The following GALC variants were observed in gnomAD, a reference collection of about 807,000 sequenced individuals.
GALC encodes the protein galactocerebrosidase.
GALC carries 77 observed loss-of-function variants against 91.8 expected under a neutral mutation model. That is an observed-to-expected ratio of 0.84 (90% CI 0.70 to 1.01). GALC has a LOEUF of 1.01. Ranked by LOEUF, GALC falls within the 50% of genes least tolerant of loss-of-function variation. The probability of loss-of-function intolerance (pLI) is 0.00; values close to 1 mark genes in which losing one functional copy is unlikely to be tolerated. For missense variants in GALC, 882 were observed against 855.9 expected (o/e 1.03, Z -0.38); for synonymous variants, 357 against 306.7 (o/e 1.16, Z -1.71).
chr14:87,941,979 T>G (rs1429232502), intron 14 of GALC, among the ~76,000 whole-genome samples: 1 of 150,134 alleles, frequency 6.7e-6, no homozygotes, highest in Admixed American at 6.6e-5. Flanking sequence ...ATGAAGGCAA[T>G]GCTAGGAGCC....
At chr14:87,992,776 G>C in intron 1 of GALC, 194 bp downstream of exon 1, 1 of 1,413,644 alleles carries the variant, frequency 7.1e-7, no homozygotes, top group Non-Finnish European at 9.2e-7. Context: ...TGTCTGGTTC[G>C]TGTTAAACGA....
intron 6 of GALC, among the ~76,000 whole-genome samples, chr14:87,979,907 T>C (rs748434441): frequency 2.6e-5 from 4 of 152,018 alleles, no homozygotes; most frequent in Non-Finnish European, 4.4e-5. Context: ...CCACTTACAA[T>C]CCCTGTGCTC....
chr14:87,992,346 AC>A (rs1386784834), intron 1 of GALC: 39 of 1,535,578 alleles, frequency 2.5e-5, no homozygotes, highest in African/African-American at 4.1e-5. Flanking sequence ...CAGAGGGAGT[AC>A]CCGGTAGTTT....
chr14:87,981,729 A>C (rs1043148362), intron 6 of GALC, among the ~76,000 whole-genome samples: 1 of 152,184 alleles, frequency 6.6e-6, no homozygotes, highest in Non-Finnish European at 1.5e-5. Flanking sequence ...AAGTGGAACA[A>C]AAATAACACA....
Position 87,993,007 on chromosome 14 carries a change from C to G in GALC, c.158G>C (p.Arg53Pro). 6.5e-7 allele frequency: 1 copy of G among 1,539,262 alleles called. No individual in the cohort carries two copies. The highest frequency in any genetic ancestry group is 1.4e-5 in the African/African-American group (1 of 70,448). The change falls in exon 1 of 17, where the codon CGG becomes CCG. Residue 53 changes from arginine to proline, a missense_variant. By Grantham distance (103) the Arg-to-Pro change is moderately radical. Coordinates refer to ENST00000261304, the MANE Select transcript of GALC (RefSeq NM_000153.4). ...GACCGCGCCGATGCCGTCGAACTCC[C>G]GGCCCAGCCCGTCGGAGTCGTCGAG... ...YVLDDSDGLG[R>P]EFDGIGAVSG...
At chr14:87,988,722 C>T (rs1355648857) in intron 1 of GALC, among the ~76,000 whole-genome samples, 199 bp from the exon 2 acceptor site, 2 of 149,178 alleles carry the variant, frequency 1.3e-5, no homozygotes, top group Non-Finnish European at 3.0e-5. Flanking sequence ...TGTCCGACAG[C>T]TAAAAAAGTT....
intron 16 of GALC, among the ~76,000 whole-genome samples, chr14:87,935,156 G>A (rs1440510093): frequency 6.6e-6 from 1 of 151,938 alleles, no homozygotes; most frequent in African/African-American, 2.4e-5. Context: ...CCAACAAAAT[G>A]CAAAACTTTT....
chr14:87,976,856 G>T, intron 6 of GALC: 1 of 249,770 alleles, frequency 4.0e-6, no homozygotes, highest in Non-Finnish European at 8.0e-6. Flanking sequence ...CCTCATGGAT[G>T]ATAATTTCAA....
intron 3 of GALC, 28 bp from the exon 4 acceptor site, chr14:87,986,630 T>A: frequency 7.1e-7 from 1 of 1,406,954 alleles, no homozygotes. Flanking sequence ...AAAACGGAAG[T>A]AATGATCCAT....
chr14:87,951,323 T>G (rs569323784), intron 10 of GALC, among the ~76,000 whole-genome samples: 1 of 151,830 alleles, frequency 6.6e-6, no homozygotes, highest in Admixed American at 6.6e-5. Context: ...CTTTAAGAGA[T>G]TCCACAGTCA....
At chr14:87,940,078 A>G in intron 15 of GALC, 97 bp from the exon 16 acceptor site, 1 of 942,784 alleles carries the variant, frequency 1.1e-6, no homozygotes, top group Admixed American at 1.7e-5. Flanking sequence ...ATCTGTATGT[A>G]GTAAAGTCAG....
At chr14:87,956,630 T>TAC (rs1885571047) in intron 10 of GALC, among the ~76,000 whole-genome samples, 1 of 147,102 alleles carries the variant, frequency 6.8e-6, no homozygotes, top group Non-Finnish European at 1.5e-5. Flanking sequence ...ACCATATATA[T>TAC]ATGGTATATA....
Position 87,934,230 on chromosome 14 carries a change from A to G in GALC, c.*502T>C. On this transcript the variant is annotated 3_prime_UTR_variant, in exon 17 of 17. Coordinates refer to ENST00000261304, the MANE Select transcript of GALC (RefSeq NM_000153.4). ...TAAAAAAATACTTTTTAGAGCATAA[A>G]GCATAACAGGTTGAAGTGGTTTTCA... 1 of 1,376,242 alleles carries G rather than the reference A, an allele frequency of 7.3e-7. No individual in the cohort carries two copies. Among genetic ancestry groups the G allele is most frequent in the South Asian group, 1.7e-5 (1 of 59,746 alleles). 85.3% of individuals were successfully genotyped at this position (1,376,242 alleles called of 1,614,324 possible). A position where few individuals can be genotyped will look rare whatever the true frequency, so the allele number is the denominator to read the frequency against.
rs549647772 is a variant in GALC, at chr14:87,959,304, C to CA, written c.1161+4079dup. On this transcript the variant is annotated intron_variant, in intron 10 of 16. Transcript: ENST00000261304. ...TCCCTCTACTTAGAATGGCTATTAC[C>CA]AAAAAAACAAAAGAAAACAAGTGTT... Among the ~76,000 whole-genome samples the CA allele has an allele frequency of 2.3e-3, 348 of 151,418 alleles. 4 individuals are homozygous for CA. The highest frequency in any genetic ancestry group is 2.1e-3 in the Non-Finnish European group (141 of 67,818).
At chr14:87,953,314 G>C in intron 10 of GALC, 1 of 1,460,882 alleles carries the variant, frequency 6.8e-7, no homozygotes, top group Non-Finnish European at 9.6e-7. Context: ...CATGGAGACT[G>C]AACCAAAGGC....
At chr14:87,977,418 C>T (rs2140018708) in intron 6 of GALC, among the ~76,000 whole-genome samples, 1 of 152,164 alleles carries the variant, frequency 6.6e-6, no homozygotes, top group South Asian at 2.1e-4. Context: ...CCTTAGGTGG[C>T]AAACACACTC....
chr14:87,993,213 G>A, upstream of GALC: 1 of 1,550,664 alleles, frequency 6.4e-7, no homozygotes, highest in Non-Finnish European at 8.7e-7. Context: ...TCCCGTCGCC[G>A]CCACGATAGA....
chr14:87,942,090 G>C (rs778848074), intron 14 of GALC, among the ~76,000 whole-genome samples: 7 of 151,876 alleles, frequency 4.6e-5, no homozygotes, highest in Non-Finnish European at 5.9e-5. Context: ...TTTCTGCAAA[G>C]ACCACAGAGT....
intron 7 of GALC, among the ~76,000 whole-genome samples, chr14:87,971,405 A>C (rs1389410566): frequency 6.6e-6 from 1 of 152,184 alleles, no homozygotes; most frequent in Non-Finnish European, 1.5e-5. Flanking sequence ...ATTCATTAGG[A>C]GATCAAACCC....
Sources: gnomAD v4.1 joint callset for allele counts (sites outside exome capture counted in the v4.1 genomes callset) on GRCh38, gnomAD v4.1.1 for gene constraint, MANE v1.5 for transcripts, NCBI Gene and HGNC (gene_info 2026-07-23, HGNC 2026-07-21) for gene names.